The following PPP2R2A variants were observed in gnomAD, a reference collection of about 807,000 sequenced individuals.
PPP2R2A encodes the protein serine/threonine-protein phosphatase 2A 55 kDa regulatory subunit B alpha isoform.
PPP2R2A carries 9 observed loss-of-function variants against 53.2 expected under a neutral mutation model. The ratio of observed to expected loss-of-function variants is 0.17; its 90% CI spans 0.10 to 0.30. The LOEUF (loss-of-function observed/expected upper bound fraction) is 0.30. Among genes scored for constraint, PPP2R2A ranks in the 10% least tolerant of loss-of-function variants. The probability of loss-of-function intolerance (pLI) is 1.00; values close to 1 mark genes in which losing one functional copy is unlikely to be tolerated. For missense variants in PPP2R2A, 235 were observed against 534.6 expected, an observed-to-expected ratio of 0.44 and a Z score of 5.53; for synonymous variants, 169 against 174.2, an observed-to-expected ratio of 0.97 and a Z score of 0.23.
rs185400655 is a variant in PPP2R2A at position 26,292,164 on chromosome 8, T to G, written c.7+338T>G. ...GGAGCCTGGTGGATCTTCTCCCACC[T>G]CCCCACCTTGCCCCCCGCCTTTATT... On this transcript the variant is annotated intron_variant, in intron 1 of 9. Transcript: ENST00000380737. The G allele has an allele frequency of 5.4e-4, 638 of 1,188,782 alleles. 5 individuals carry two copies. The African/African-American group carries it at 9.3e-3, about 17-fold the overall frequency. The allele number at this position is 1,188,782 out of a possible 1,614,324, so 73.6% of individuals were successfully genotyped here. A position where few individuals can be genotyped will look rare whatever the true frequency, so the allele number is the denominator to read the frequency against.
chr8:26,295,742 T>C (rs1801514576), intron 2 of PPP2R2A, among the ~76,000 whole-genome samples: 1 of 152,230 alleles, frequency 6.6e-6, no homozygotes. Context: ...CTAGTTCTAA[T>C]AGGTATTGCT....
intron 1 of PPP2R2A, chr8:26,292,225 T>C (rs1801333282): frequency 9.5e-7 from 1 of 1,055,790 alleles, no homozygotes; most frequent in African/African-American, 1.7e-5. Flanking sequence ...ATTTCTATTT[T>C]TCCCCCTGCT....
chr8:26,291,794 A>C lies in PPP2R2A; in HGVS notation c.-26A>C. 6.3e-7 allele frequency: 1 copy of C among 1,596,218 alleles called. No homozygotes were observed. Among genetic ancestry groups the C allele is most frequent in the Non-Finnish European group, 8.5e-7 (1 of 1,171,750 alleles). On this transcript the variant is annotated 5_prime_UTR_variant, in exon 1 of 10. Transcript: ENST00000380737. ...AGGAAGCGGAGACCCCGAGGAACCC[A>C]GCAGGGTCACCATTTGCAGCGCAAC...
At chr8:26,352,603 T>A (rs1422885031) in intron 3 of PPP2R2A, among the ~76,000 whole-genome samples, 1 of 152,244 alleles carries the variant, frequency 6.6e-6, no homozygotes, top group African/African-American at 2.4e-5. Flanking sequence ...CCTTTTGTGA[T>A]ACATTAATTT....
Position 26,330,764 on chromosome 8 carries a change from C to G in PPP2R2A, c.83-8126C>G, listed in dbSNP as rs577922242. 2.6e-5 allele frequency among the ~76,000 whole-genome samples: 4 copies of G among 152,162 alleles called. No individual in the cohort carries two copies. The South Asian group carries it at 8.3e-4, about 32-fold the overall frequency. ...CTGATTATGGGTTGTATTTTCCTGC[C>G]TGTTTATATTCCTGGTAATTTCGGA... On this transcript the variant is annotated intron_variant, in intron 2 of 9. Transcript: ENST00000380737.
rs762616350 is a variant in PPP2R2A at position 26,362,749 on chromosome 8, C to A, written c.703C>A (p.His235Asn). 6.2e-7 allele frequency: 1 copy of A among 1,613,950 alleles called. No individual in the cohort carries two copies. Among genetic ancestry groups the A allele is most frequent in the Non-Finnish European group, 8.5e-7 (1 of 1,179,938 alleles). ...AGAGGTGATTACAGCAGCAGAATTT[C>A]ATCCAAACAGCTGTAACACATTTGT... is the stretch of plus-strand genomic sequence containing the variant. Reference protein sequence around the residue: ...LTEVITAAEFHPNSCNTFVYS... With the variant: ...LTEVITAAEFNPNSCNTFVYS... Residue 235 changes from histidine to asparagine, a missense_variant, in exon 7 of 10, where the codon CAT becomes AAT. Around this residue, in one of 3 missense-constraint regions of PPP2R2A, gnomAD observed 181 missense variants for 409.9 expected, o/e 0.44. Coordinates refer to ENST00000380737, the MANE Select transcript of PPP2R2A (RefSeq NM_002717.4). This position sits in a 1 kb window ranked among gnomAD's most constrained non-coding sequence, Gnocchi z 4.4.
rs1805681794 is a variant in PPP2R2A, at chr8:26,371,953, A to G, written c.*1540A>G. 6.6e-6 allele frequency: 1 copy of G among 152,196 alleles called. No homozygotes were observed. The highest frequency in any genetic ancestry group is 1.5e-5 in the Non-Finnish European group (1 of 68,030). The allele number at this position is 152,196 out of a possible 1,614,324, so 9.4% of individuals were successfully genotyped here. Reference sequence around the variant, plus strand: ...GGCATTTATATTATTAGAGAATGGTAGTCTTATTTTGGTGGAACATAATGT... The same window carrying G: ...GGCATTTATATTATTAGAGAATGGTGGTCTTATTTTGGTGGAACATAATGT... On this transcript the variant is annotated 3_prime_UTR_variant, in exon 10 of 10. Coordinates refer to ENST00000380737, the MANE Select transcript of PPP2R2A (RefSeq NM_002717.4).
chr8:26,345,739 AAGT>A (rs1386513863), intron 3 of PPP2R2A, among the ~76,000 whole-genome samples: 14 of 152,154 alleles, frequency 9.2e-5, no homozygotes, highest in African/African-American at 3.4e-4. Flanking sequence ...AAAAAAAGAA[AAGT>A]AGCAACTTGG....
intron 4 of PPP2R2A, among the ~76,000 whole-genome samples, chr8:26,357,312 A>G (rs966076805): frequency 2.4e-5 from 3 of 124,212 alleles, no homozygotes; most frequent in African/African-American, 5.9e-5. Flanking sequence ...ATGGGTCTAT[A>G]TAAAAACTAT....
At chr8:26,336,739 G>T (rs1803682176) in intron 2 of PPP2R2A, among the ~76,000 whole-genome samples, 1 of 151,888 alleles carries the variant, frequency 6.6e-6, no homozygotes, top group Non-Finnish European at 1.5e-5. Flanking sequence ...AAATTAGCCA[G>T]GTATGGTGGT....
chr8:26,369,872 G>C (rs573938986), intron 9 of PPP2R2A, among the ~76,000 whole-genome samples: 1 of 152,268 alleles, frequency 6.6e-6, no homozygotes, highest in Non-Finnish European at 1.5e-5. Flanking sequence ...CGATAATTCT[G>C]CACTCCTAAG....
intron 2 of PPP2R2A, among the ~76,000 whole-genome samples, chr8:26,337,969 G>A (rs980646996): frequency 2.6e-5 from 4 of 152,196 alleles, no homozygotes; most frequent in Non-Finnish European, 5.9e-5. Context: ...TTTAAAGTAT[G>A]TATATCATCA....
intron 3 of PPP2R2A, among the ~76,000 whole-genome samples, chr8:26,340,287 T>C (rs904630969): frequency 6.6e-6 from 1 of 151,980 alleles, no homozygotes; most frequent in Non-Finnish European, 1.5e-5. Flanking sequence ...CTTTATTACT[T>C]AGTGGCAGAA....
intron 2 of PPP2R2A, among the ~76,000 whole-genome samples, chr8:26,299,448 C>T (rs1188396214): frequency 6.6e-6 from 1 of 152,068 alleles, no homozygotes; most frequent in Non-Finnish European, 1.5e-5. Context: ...CTTATAAAGT[C>T]TTATTTTATG....
chr8:26,293,138 G>C (rs1801382311), intron 1 of PPP2R2A: 2 of 1,169,956 alleles, frequency 1.7e-6, no homozygotes, highest in African/African-American at 3.1e-5. Context: ...TCTCTGTCTG[G>C]AGCCAGTGAT....
chr8:26,338,985 G>A lies in PPP2R2A; in HGVS notation c.178G>A (p.Glu60Lys), dbSNP rs753035491. The A allele has an allele frequency of 3.1e-6, 5 of 1,594,164 alleles. No homozygotes were observed. Among genetic ancestry groups the A allele is most frequent in the African/African-American group, 2.7e-5 (2 of 74,340 alleles). Residue 60 changes from glutamate to lysine, a missense_variant and splice_region_variant, in exon 3 of 10, where the codon GAG becomes AAG. Transcript: ENST00000380737. This position sits in a 1 kb window ranked among gnomAD's most constrained non-coding sequence, Gnocchi z 4.5. ...AGTTGTCATCTTTCAACAGGAGCAG[G>A]AGGTAAGTGTTTAAAGTTTATTGTC... is the stretch of plus-strand genomic sequence containing the variant. Reference protein sequence around the residue: ...GRVVIFQQEQENKIQSHSRGE... With the variant: ...GRVVIFQQEQKNKIQSHSRGE...
intron 2 of PPP2R2A, among the ~76,000 whole-genome samples, chr8:26,314,757 A>AC (rs1169108851): frequency 3.3e-5 from 5 of 150,526 alleles, no homozygotes; most frequent in African/African-American, 9.8e-5. Context: ...CATTAATTGG[A>AC]CTCGTACTCA....
At chr8:26,368,206 T>C (rs1805479221) in intron 9 of PPP2R2A, among the ~76,000 whole-genome samples, 1 of 152,358 alleles carries the variant, frequency 6.6e-6, no homozygotes, top group South Asian at 2.1e-4. Flanking sequence ...GGGGCACGCA[T>C]TACCTTGAGT....
intron 2 of PPP2R2A, chr8:26,333,585 C>A: frequency 2.7e-6 from 3 of 1,101,702 alleles, no homozygotes; most frequent in South Asian, 3.7e-5. Flanking sequence ...TTAGAGAATG[C>A]CAAGGCTACT....
Sources: gnomAD v4.1 joint callset for allele counts (sites outside exome capture counted in the v4.1 genomes callset) on GRCh38, gnomAD v4.1.1 for gene constraint, gnomAD v4.1.1 regional missense constraint, Gnocchi (gnomAD v3.1) non-coding constraint, MANE v1.5 for transcripts, NCBI Gene and HGNC (gene_info 2026-07-23, HGNC 2026-07-21) for gene names.